Variants in SHISA3 observed in about 807,000 individuals in gnomAD.
SHISA3 encodes protein shisa-3 homolog.
In SHISA3, 15 loss-of-function variants were observed where a neutral mutation model predicts 19.2. The ratio of observed to expected loss-of-function variants is 0.78; its 90% CI spans 0.52 to 1.20. SHISA3 has a LOEUF of 1.20. SHISA3 is among the 50% of genes most tolerant of loss of function. The probability of loss-of-function intolerance (pLI) is 0.00; values close to 1 mark genes in which losing one functional copy is unlikely to be tolerated. For synonymous variants in SHISA3, 145 were observed against 135.2 expected (o/e 1.07, Z -0.50); for missense variants, 327 against 315.7 (o/e 1.04, Z -0.27).
At position 42,401,451 on chromosome 4, in the gene SHISA3, ACACGCCCAGGC is replaced by A; in HGVS notation, c.*3_*13del. 1 of 1,564,570 alleles carries A rather than the reference ACACGCCCAGGC, an allele frequency of 6.4e-7. No homozygotes were observed. Among genetic ancestry groups the A allele is most frequent in the Non-Finnish European group, 8.6e-7 (1 of 1,156,370 alleles). ...GCTGTCCAGACTTCAGTTCCAGTTG[ACACGCCCAGGC>A]CATGAATCCACAACTCAGTCAGATG... On this transcript the variant is annotated 3_prime_UTR_variant, in exon 2 of 2. Coordinates refer to ENST00000319234, the MANE Select transcript of SHISA3 (RefSeq NM_001080505.3).
In SHISA3 at chr4:42,398,227, C is replaced by A. The variant is rs371403639; in HGVS notation, c.171C>A (p.Cys57Ter). ...DFDTLDATIC[C>*]GSCALRYCCA... ...ACACGCTGGACGCTACCATCTGCTG[C>A]GGCTCCTGCGCGCTCCGCTACTGTT... The change falls in exon 1 of 2, where the codon TGC becomes TGA. Residue 57 changes from cysteine to a stop codon, truncating the protein, a stop_gained. Coordinates refer to ENST00000319234, the MANE Select transcript of SHISA3 (RefSeq NM_001080505.3). LOFTEE classifies it high-confidence loss of function. 6 of 1,589,324 alleles carry A rather than the reference C, an allele frequency of 3.8e-6. No individual in the cohort carries two copies. Among genetic ancestry groups the A allele is most frequent in the Non-Finnish European group, 5.1e-6 (6 of 1,168,386 alleles).
At chr4:42,400,935 C>A in intron 1 of SHISA3, 77 bp from the exon 2 acceptor site, 1 of 1,474,858 alleles carries the variant, frequency 6.8e-7, no homozygotes, top group Non-Finnish European at 9.3e-7. Context: ...CCTCTCAACC[C>A]TCAGCTGCCC....
In SHISA3 at chr4:42,397,964, G is replaced by A. The variant is rs1340677088; in HGVS notation, c.-93G>A. On this transcript the variant is annotated 5_prime_UTR_variant, in exon 1 of 2. Coordinates refer to ENST00000319234, the MANE Select transcript of SHISA3 (RefSeq NM_001080505.3). ...GCCAGCAGCTTGCGACGTGTCCCTG[G>A]GGAGGCGGAATCGCTGTGCGCCCTG... 7.9e-7 allele frequency: 1 copy of A among 1,269,576 alleles called. No homozygotes were observed. Among genetic ancestry groups the A allele is most frequent in the African/African-American group, 1.5e-5 (1 of 65,226 alleles). 78.6% of individuals were successfully genotyped at this position (1,269,576 alleles called of 1,614,324 possible). A position where few individuals can be genotyped will look rare whatever the true frequency, so the allele number is the denominator to read the frequency against.
At position 42,398,061 on chromosome 4, in the gene SHISA3, G is replaced by A. The variant is rs774148385; in HGVS notation, c.5G>A (p.Arg2Lys). 9 of 1,587,606 alleles carry A rather than the reference G, an allele frequency of 5.7e-6. No homozygotes were observed. The East Asian group carries it at 9.1e-5, about 16-fold the overall frequency. Residue 2 changes from arginine to lysine, a missense_variant, in exon 1 of 2, where the codon AGG becomes AAG. Arg to Lys is a conservative substitution (Grantham distance 26). Transcript: ENST00000319234. Reference protein sequence around the residue: MRALLALCLLLG... With the variant: MKALLALCLLLG... ...CGCCCAGGGAGCCCAGTGGCGATGA[G>A]GGCACTGCTGGCGCTTTGCCTTCTC... is the stretch of plus-strand genomic sequence containing the variant.
intron 1 of SHISA3, 93 bp downstream of exon 1, chr4:42,398,426 A>T: frequency 2.3e-6 from 3 of 1,305,074 alleles, no homozygotes; most frequent in East Asian, 2.8e-5. Context: ...AGGCAGGTCT[A>T]TGCGCCTTCC....
At chr4:42,399,484 T>C (rs781050862) in intron 1 of SHISA3, among the ~76,000 whole-genome samples, 6 of 152,164 alleles carry the variant, frequency 3.9e-5, no homozygotes, top group Non-Finnish European at 8.8e-5. Context: ...TAGAAAAATA[T>C]AGACTCTTCC....
chr4:42,402,472 A>G lies in SHISA3; in HGVS notation c.*1021A>G, dbSNP rs1711951201. 6.6e-6 allele frequency: 1 copy of G among 152,052 alleles called. No homozygotes were observed. The highest frequency in any genetic ancestry group is 2.1e-4 in the South Asian group (1 of 4,824). The allele number at this position is 152,052 out of a possible 1,614,324, so 9.4% of individuals were successfully genotyped here. The stretch of plus-strand genomic sequence containing the variant: ...GATTAGAATAAATAAAACACTTTAT[A>G]TTTTCATGAACTCTATTTAAATTTT... On this transcript the variant is annotated 3_prime_UTR_variant, in exon 2 of 2. Coordinates refer to ENST00000319234, the MANE Select transcript of SHISA3 (RefSeq NM_001080505.3).
Position 42,401,166 on chromosome 4 carries a change from G to A in SHISA3, c.432G>A (p.Glu144=), listed in dbSNP as rs1560287572. Residue 144 remains glutamate, a synonymous_variant, in exon 2 of 2, where the codon GAG becomes GAA. Coordinates refer to ENST00000319234, the MANE Select transcript of SHISA3 (RefSeq NM_001080505.3). Reference sequence around the variant, plus strand: ...TCTCACTCCGCAGCTATCAGACAGAGACCCTGCCCATGATCCTGACCTCCA... The same window carrying A: ...TCTCACTCCGCAGCTATCAGACAGAAACCCTGCCCATGATCCTGACCTCCA... ...IRFSLRSYQT[E]TLPMILTSTS... 2 of 1,614,190 alleles carry A rather than the reference G, an allele frequency of 1.2e-6. No homozygotes were observed. The highest frequency in any genetic ancestry group is 2.2e-5 in the South Asian group (2 of 91,082).
In SHISA3 at chr4:42,401,149, C is replaced by T. The variant is rs1180976478; in HGVS notation, c.415C>T (p.Arg139Cys). ...GCAGCAGCCAATCCGCTTCTCACTC[C>T]GCAGCTATCAGACAGAGACCCTGCC... ...PSQQPIRFSL[R>C]SYQTETLPMI... The change falls in exon 2 of 2, where the codon CGC becomes TGC. Residue 139 changes from arginine (R) to cysteine (C), a missense_variant. Physicochemically the swap from Arg to Cys is radical, Grantham distance 180. Coordinates refer to ENST00000319234, the MANE Select transcript of SHISA3 (RefSeq NM_001080505.3). 1.9e-6 allele frequency: 3 copies of T among 1,614,220 alleles called. No homozygotes were observed. Among genetic ancestry groups the T allele is most frequent in the East Asian group, 4.5e-5 (2 of 44,886 alleles).
intron 1 of SHISA3, among the ~76,000 whole-genome samples, chr4:42,400,060 T>A (rs1395183594): frequency 6.6e-6 from 1 of 152,208 alleles, no homozygotes; most frequent in Non-Finnish European, 1.5e-5. Context: ...TTTAATCAGA[T>A]AATGAATAAG....
chr4:42,399,089 C>A (rs1396615905), intron 1 of SHISA3, among the ~76,000 whole-genome samples: 1 of 152,208 alleles, frequency 6.6e-6, no homozygotes, highest in African/African-American at 2.4e-5. Context: ...AAAATTTACA[C>A]CTTGAAAAAA....
chr4:42,401,251 G>C lies in SHISA3; in HGVS notation c.517G>C (p.Gly173Arg), dbSNP rs150279161. 1.2e-6 allele frequency: 2 copies of C among 1,614,112 alleles called. No homozygotes were observed. Among genetic ancestry groups the C allele is most frequent in the Non-Finnish European group, 1.7e-6 (2 of 1,180,008 alleles). Residue 173 changes from glycine to arginine, a missense_variant, in exon 2 of 2, where the codon GGC (glycine) becomes CGC (arginine). Physicochemically the swap from Gly to Arg is moderately radical, Grantham distance 125. Coordinates refer to ENST00000319234, the MANE Select transcript of SHISA3 (RefSeq NM_001080505.3). ...STATSSSSTG[G>R]SIRRFSFARA... ...AGCCACGAGCTCCAGCTCCACAGGC[G>C]GCTCCATCCGCAGGTTCTCCTTTGC...
rs1303469428 is a variant in SHISA3 at position 42,398,194 on chromosome 4, G to T, written c.138G>T (p.Glu46Asp). Residue 46 changes from glutamate (E) to aspartate (D), a missense_variant, in exon 1 of 2, where the codon GAG becomes GAT. Physicochemically the swap from Glu to Asp is conservative, Grantham distance 45. Coordinates refer to ENST00000319234, the MANE Select transcript of SHISA3 (RefSeq NM_001080505.3). The part of the protein sequence containing the change: ...GNYHEGFQCP[E>D]DFDTLDATIC... ...ACCACGAGGGCTTCCAGTGCCCAGA[G>T]GACTTCGACACGCTGGACGCTACCA... The T allele has an allele frequency of 1.9e-6, 3 of 1,605,582 alleles. No homozygotes were observed. Among genetic ancestry groups the T allele is most frequent in the Non-Finnish European group, 2.6e-6 (3 of 1,176,330 alleles).
chr4:42,399,281 A>G (rs1206394810), intron 1 of SHISA3, among the ~76,000 whole-genome samples: 1 of 152,042 alleles, frequency 6.6e-6, no homozygotes, highest in Admixed American at 6.5e-5. Context: ...GGCTGGAGAG[A>G]TCATTAAGGG....
chr4:42,402,486 TATTTA>T (rs1260255609), exon 2 of SHISA3: 3 of 152,210 alleles, frequency 2.0e-5, no homozygotes, highest in African/African-American at 7.2e-5. Flanking sequence ...TCATGAACTC[TATTTA>T]AATTTTAATG....
rs888589307 is a variant in SHISA3, at chr4:42,401,557, T to C, written c.*106T>C. The stretch of plus-strand genomic sequence containing the variant: ...GAAAATTTCCCTTGTAACTGATCAG[T>C]GTCATGGAGGAGCATGCTAGGAAAA... On this transcript the variant is annotated 3_prime_UTR_variant, in exon 2 of 2. Coordinates refer to ENST00000319234, the MANE Select transcript of SHISA3 (RefSeq NM_001080505.3). 2 of 1,196,366 alleles carry C rather than the reference T, an allele frequency of 1.7e-6. No individual in the cohort carries two copies. Among genetic ancestry groups the C allele is most frequent in the African/African-American group, 3.1e-5 (2 of 65,266 alleles). 74.1% of individuals were successfully genotyped at this position (1,196,366 alleles called of 1,614,324 possible). A position where few individuals can be genotyped will look rare whatever the true frequency, so the allele number is the denominator to read the frequency against.
chr4:42,401,507 C>A lies in SHISA3; in HGVS notation c.*56C>A. 1 of 1,502,328 alleles carries A rather than the reference C, an allele frequency of 6.7e-7. No homozygotes were observed. Among genetic ancestry groups the A allele is most frequent in the Non-Finnish European group, 8.9e-7 (1 of 1,119,756 alleles). 93.1% of individuals were successfully genotyped at this position (1,502,328 alleles called of 1,614,324 possible). A position where few individuals can be genotyped will look rare whatever the true frequency, so the allele number is the denominator to read the frequency against. On this transcript the variant is annotated 3_prime_UTR_variant, in exon 2 of 2. Coordinates refer to ENST00000319234, the MANE Select transcript of SHISA3 (RefSeq NM_001080505.3). ...CAGATGGCAGACAGGTGGAGCCCTG[C>A]TCCCATTGCCACATGCAATTCTGAG... is the stretch of plus-strand genomic sequence containing the variant.
At position 42,400,731 on chromosome 4, in the gene SHISA3, G is replaced by GT. The variant is rs112746473; in HGVS notation, c.278-271dup. On this transcript the variant is annotated intron_variant, in intron 1 of 1. Coordinates refer to ENST00000319234, the MANE Select transcript of SHISA3 (RefSeq NM_001080505.3). ...GTGCCTGAACAGGAGAACAGATTCC[G>GT]TTTTTTTTTTCTGACTTCCAGATGT... 3.0e-3 allele frequency among the ~76,000 whole-genome samples: 445 copies of GT among 149,042 alleles called. 2 individuals are homozygous for GT. Among genetic ancestry groups the GT allele is most frequent in the African/African-American group, 8.7e-3 (353 of 40,680 alleles).
rs1288830057 is a variant in SHISA3, at chr4:42,398,016, A to G, written c.-41A>G. The G allele has an allele frequency of 6.7e-7, 1 of 1,486,004 alleles. No individual in the cohort carries two copies. The highest frequency in any genetic ancestry group is 2.4e-5 in the Admixed American group (1 of 42,028). 92.1% of individuals were successfully genotyped at this position (1,486,004 alleles called of 1,614,324 possible). ...GCCCGGGCTCAGCCCTTCGCTTTCC[A>G]GCTGCGTCCTGCTCCCGGCCGCCCA... On this transcript the variant is annotated 5_prime_UTR_variant, in exon 1 of 2. Coordinates refer to ENST00000319234, the MANE Select transcript of SHISA3 (RefSeq NM_001080505.3).
Sources: allele counts gnomAD v4.1 joint callset (sites outside exome capture counted in the v4.1 genomes callset), GRCh38; gene constraint gnomAD v4.1.1; transcripts MANE v1.5; gene names NCBI Gene and HGNC (gene_info 2026-07-23, HGNC 2026-07-21).